ACBD5: variants seen among roughly 807,000 people sequenced by gnomAD.
ACBD5 encodes the protein acyl-CoA binding domain containing 5.
ACBD5 carries 40 observed loss-of-function variants against 71.8 expected under a neutral mutation model. The observed-to-expected ratio is 0.56, with a 90% CI of 0.43 to 0.72. ACBD5 has a LOEUF of 0.72. Among genes scored for constraint, ACBD5 ranks in the 30% least tolerant of loss-of-function variants. The pLI, the probability that ACBD5 is intolerant of heterozygous loss-of-function variation, is 0.00. For missense variants in ACBD5, 559 were observed against 644.5 expected (o/e 0.87, Z 1.44); for synonymous variants, 229 against 218.6 (o/e 1.05, Z -0.42).
chr10:27,235,321 T>C (rs2138345280), intron 2 of ACBD5, 109 bp from the exon 3 acceptor site: 7 of 1,307,414 alleles, frequency 5.4e-6, no homozygotes, highest in Non-Finnish European at 6.5e-6. Flanking sequence ...ATTAATACTT[T>C]AGATAATGAT....
At chr10:27,217,534 AAGCC>A (rs1178625815) in intron 7 of ACBD5, among the ~76,000 whole-genome samples, 3 of 151,572 alleles carry the variant, frequency 2.0e-5, no homozygotes, top group African/African-American at 7.3e-5. Flanking sequence ...ATTAAAAAAT[AAGCC>A]AGTGCATGGC....
At chr10:27,194,867 G>A (rs192601643), downstream of ACBD5, among the ~76,000 whole-genome samples, 5 of 151,716 alleles carry the variant, frequency 3.3e-5, no homozygotes, top group South Asian at 2.1e-4. Flanking sequence ...GTGGTGGCAC[G>A]TGCCTGTACT....
At chr10:27,210,300 T>G (rs779802188) in intron 9 of ACBD5, among the ~76,000 whole-genome samples, 7 of 152,204 alleles carry the variant, frequency 4.6e-5, no homozygotes, top group Non-Finnish European at 7.3e-5. Flanking sequence ...TGTTGGGGAT[T>G]AAAAGGGAAA....
chr10:27,203,674 G>A (rs113528986), intron 12 of ACBD5, among the ~76,000 whole-genome samples: 10,076 of 152,190 alleles, frequency 0.066, 614 homozygotes, highest in African/African-American at 0.16. Context: ...GGGAGGCAGA[G>A]GTTGCAGTGA....
At chr10:27,235,317 AC>A in intron 2 of ACBD5, 105 bp from the exon 3 acceptor site, 6 of 1,326,002 alleles carry the variant, frequency 4.5e-6, no homozygotes, top group Non-Finnish European at 6.4e-6. Flanking sequence ...TTGCATTAAT[AC>A]TTTAGATAAT....
At chr10:27,205,324 T>C in intron 10 of ACBD5, 76 bp from the exon 11 acceptor site, 1 of 1,472,622 alleles carries the variant, frequency 6.8e-7, no homozygotes, top group Non-Finnish European at 9.5e-7. Flanking sequence ...CTATCTTTTT[T>C]TAAAAGGCAG....
chr10:27,221,726 C>T (rs1482349041), intron 5 of ACBD5, among the ~76,000 whole-genome samples: 1 of 151,622 alleles, frequency 6.6e-6, no homozygotes, highest in Non-Finnish European at 1.5e-5. Context: ...TCAGCCTGGC[C>T]CACATGGCAA....
chr10:27,194,821 C>T (rs781055425), downstream of ACBD5, among the ~76,000 whole-genome samples: 1 of 151,612 alleles, frequency 6.6e-6, no homozygotes, highest in African/African-American at 2.4e-5. Flanking sequence ...CGTGGTGAAA[C>T]CCCGTCTCTA....
In ACBD5 at chr10:27,184,554, A is replaced by ATT. The variant is rs752147433; in HGVS notation, c.1494-1841_1494-1840dup. On this transcript the variant is annotated intron_variant, in intron 13 of 13. Coordinates refer to the ACBD5 transcript ENST00000676511. The stretch of plus-strand genomic sequence containing the variant: ...AAAAACACTATCACATATAAGAAGG[A>ATT]TTTTTTTTTTTTTTTTTTTTTTTTG... Among the ~76,000 whole-genome samples, 521 of 84,796 alleles carry ATT rather than the reference A, an allele frequency of 6.1e-3. 37 individuals are homozygous for ATT. Among genetic ancestry groups the ATT allele is most frequent in the East Asian group, 0.034 (83 of 2,472 alleles). The allele number at this position is 84,796 out of a possible 152,430, so 55.6% of individuals were successfully genotyped here.
intron 9 of ACBD5, 108 bp downstream of exon 9, chr10:27,210,706 C>T (rs1002697457): frequency 2.5e-5 from 36 of 1,463,292 alleles, no homozygotes; most frequent in East Asian, 4.7e-5. Flanking sequence ...TGCAGTGAGC[C>T]GAGATTGCAC....
chr10:27,219,670 T>A, intron 6 of ACBD5, 53 bp downstream of exon 6: 1 of 1,605,842 alleles, frequency 6.2e-7, no homozygotes, highest in South Asian at 1.1e-5. Context: ...AATGTCTTCA[T>A]ACCCTCTTAG....
rs545915475 is a variant in ACBD5, at chr10:27,196,818, A to G, written c.*612T>C. On this transcript the variant is annotated 3_prime_UTR_variant, in exon 13 of 13. Coordinates refer to ENST00000396271, the MANE Select transcript of ACBD5 (RefSeq NM_145698.5). ...TTTGTAAAAACTCAGTCTGGTACAT[A>G]GGACTCCACTTTTTAATAATGATGC... 6.6e-6 allele frequency: 3 copies of G among 454,114 alleles called. No individual in the cohort carries two copies. The highest frequency in any genetic ancestry group is 1.3e-5 in the Non-Finnish European group (3 of 226,790). 28.1% of individuals were successfully genotyped at this position (454,114 alleles called of 1,614,324 possible). A position where few individuals can be genotyped will look rare whatever the true frequency, so the allele number is the denominator to read the frequency against.
chr10:27,224,820 C>T (rs375584727), intron 4 of ACBD5, among the ~76,000 whole-genome samples: 1 of 152,246 alleles, frequency 6.6e-6, no homozygotes, highest in East Asian at 1.9e-4. Context: ...CACCTGAGGT[C>T]AGGAGTTTGA....
intron 4 of ACBD5, among the ~76,000 whole-genome samples, chr10:27,225,565 A>T (rs1401067708): frequency 6.6e-6 from 1 of 152,220 alleles, no homozygotes; most frequent in East Asian, 1.9e-4. Context: ...GAATGCTTTA[A>T]TCACAAAATT....
rs1021731572 is a variant in ACBD5, at chr10:27,205,064, T to C, written c.1455+134A>G. 7.7e-6 allele frequency: 6 copies of C among 781,938 alleles called. No homozygotes were observed. The African/African-American group carries it at 1.1e-4, about 14-fold the overall frequency. The allele number at this position is 781,938 out of a possible 1,614,324, so 48.4% of individuals were successfully genotyped here. On this transcript the variant is annotated intron_variant, in intron 11 of 12. Coordinates refer to ENST00000396271, the MANE Select transcript of ACBD5 (RefSeq NM_145698.5). ...ATGGCGTGAACCCAGGAGGCAGAGC[T>C]TGCAGTGAGCTGAGATCGCACCACT... is the stretch of plus-strand genomic sequence containing the variant.
downstream of ACBD5, chr10:27,193,610 T>C (rs1588903199): frequency 1.3e-5 from 2 of 152,190 alleles, no homozygotes; most frequent in South Asian, 2.1e-4. Context: ...CCTGATCAGA[T>C]GGAAAAATAC....
chr10:27,221,251 C>T (rs1380020623), intron 5 of ACBD5, among the ~76,000 whole-genome samples: 1 of 152,164 alleles, frequency 6.6e-6, no homozygotes, highest in Non-Finnish European at 1.5e-5. Context: ...TAAGGCAGCT[C>T]TCACTAAAAA....
chr10:27,227,008 G>GTTTTTTTTTTTT (rs1419253069), intron 4 of ACBD5, among the ~76,000 whole-genome samples: 1 of 18,288 alleles, frequency 5.5e-5, no homozygotes, highest in African/African-American at 2.3e-4. Context: ...TTTTTTTTGC[G>GTTTTTTTTTTTT]ATTTTTTTTT....
chr10:27,203,139 A>C (rs1452562745), intron 12 of ACBD5, among the ~76,000 whole-genome samples: 1 of 151,468 alleles, frequency 6.6e-6, no homozygotes, highest in South Asian at 2.1e-4. Context: ...CAACCTGGCT[A>C]ATTTTTTTAT....
Sources: allele counts gnomAD v4.1 joint callset (sites outside exome capture counted in the v4.1 genomes callset), GRCh38; gene constraint gnomAD v4.1.1; transcripts MANE v1.5; gene names NCBI Gene and HGNC (gene_info 2026-07-23, HGNC 2026-07-21).